The following SAP130 variants were observed in gnomAD, a reference collection of about 807,000 sequenced individuals.
SAP130 encodes the protein Sin3A associated protein 130.
A neutral mutation model predicts 103.2 loss-of-function variants in SAP130; 16 were observed. That is an observed-to-expected ratio of 0.16 (90% CI 0.10 to 0.24). The LOEUF (loss-of-function observed/expected upper bound fraction) is 0.24, where lower values mean the gene tolerates loss of function less well. Among genes scored for constraint, SAP130 ranks in the 10% least tolerant of loss-of-function variants. SAP130 has a pLI of 1.00. For missense variants in SAP130, 990 were observed against 1,359.7 expected (o/e 0.73, Z 4.28); for synonymous variants, 477 against 497.0 (o/e 0.96, Z 0.53).
intron 2 of SAP130, among the ~76,000 whole-genome samples, chr2:128,025,229 G>T (rs1028546562): frequency 3.3e-5 from 5 of 152,188 alleles, no homozygotes; most frequent in South Asian, 2.1e-4. Context: ...TCTCTGTTGT[G>T]GGGGGCTTCC....
chr2:127,997,865 A>G (rs926708159), intron 10 of SAP130, among the ~76,000 whole-genome samples: 3 of 152,164 alleles, frequency 2.0e-5, no homozygotes, highest in Non-Finnish European at 4.4e-5. Flanking sequence ...TATAATCCCA[A>G]CACTTTGGGA....
intron 7 of SAP130, among the ~76,000 whole-genome samples, chr2:128,006,042 A>C (rs955313925): frequency 5.3e-5 from 8 of 152,196 alleles, no homozygotes; most frequent in African/African-American, 1.9e-4. Context: ...TCAACGAAAA[A>C]GAATCAGGCA....
intron 14 of SAP130, among the ~76,000 whole-genome samples, chr2:127,984,924 T>C (rs1157544953): frequency 1.3e-5 from 2 of 152,218 alleles, no homozygotes; most frequent in East Asian, 3.8e-4. Flanking sequence ...TTTTAACTTA[T>C]CCTCCTTAAA....
intron 2 of SAP130, among the ~76,000 whole-genome samples, chr2:128,023,738 C>T (rs534780869): frequency 1.8e-4 from 27 of 152,308 alleles, no homozygotes; most frequent in Non-Finnish European, 1.8e-4. Context: ...GATCATGCTA[C>T]TGCACTCCAG....
chr2:128,023,605 C>T (rs572379067), intron 2 of SAP130, among the ~76,000 whole-genome samples: 1 of 152,050 alleles, frequency 6.6e-6, no homozygotes. Context: ...CAGTGAAACA[C>T]CGTCTCTACT....
chr2:127,985,607 G>GA (rs1188832756), intron 14 of SAP130, among the ~76,000 whole-genome samples: 10 of 152,056 alleles, frequency 6.6e-5, no homozygotes, highest in Non-Finnish European at 5.9e-5. Flanking sequence ...CTACACTTCA[G>GA]AATTTGTTTG....
At chr2:128,004,982 A>G (rs563552351) in intron 7 of SAP130, among the ~76,000 whole-genome samples, 11 of 152,390 alleles carry the variant, frequency 7.2e-5, no homozygotes, top group African/African-American at 2.6e-4. Context: ...ATCTATTTAA[A>G]GATGCTAAAA....
rs144167733 is a variant in SAP130, at chr2:127,948,588, C to A, written c.2797+1281G>T. ...AACTCCTGACCTCCAGTGATCCGCC[C>A]GCCTCGGCCTCACAAAGTGCTGGGA... On this transcript the variant is annotated intron_variant, in intron 18 of 20. Coordinates refer to ENST00000643581, the MANE Select transcript of SAP130 (RefSeq NM_001330301.2). Among the ~76,000 whole-genome samples, 1,044 of 151,872 alleles carry A rather than the reference C, an allele frequency of 6.9e-3. 19 individuals are homozygous for A. Among genetic ancestry groups the A allele is most frequent in the African/African-American group, 0.024 (1,001 of 41,426 alleles).
intron 2 of SAP130, among the ~76,000 whole-genome samples, chr2:128,018,303 A>C: frequency 6.9e-6 from 1 of 144,350 alleles, no homozygotes; most frequent in East Asian, 2.0e-4. Context: ...CCCTATCTCT[A>C]CTAAAAATAC....
At chr2:127,994,535 T>C (rs1173693197) in intron 11 of SAP130, among the ~76,000 whole-genome samples, 1 of 152,200 alleles carries the variant, frequency 6.6e-6, no homozygotes, top group Non-Finnish European at 1.5e-5. Context: ...GGGATTGCAG[T>C]GAGCCGAGAC....
At chr2:127,944,433 A>ATT (rs70985489) in intron 19 of SAP130, among the ~76,000 whole-genome samples, 31 of 150,172 alleles carry the variant, frequency 2.1e-4, no homozygotes, top group Non-Finnish European at 2.2e-4. Context: ...TGTCTCTACA[A>ATT]TTTTTTTTTT....
rs200458631 is a variant in SAP130 at position 128,000,315 on chromosome 2, T to C, written c.1009A>G (p.Met337Val). 1.9e-5 allele frequency: 30 copies of C among 1,614,182 alleles called. No individual in the cohort carries two copies. The East Asian group carries it at 4.2e-4, about 23-fold the overall frequency. The change falls in exon 8 of 21, where the codon ATG becomes GTG. Residue 337 changes from methionine to valine, a missense_variant. By Grantham distance (21) the Met-to-Val change is conservative (BLOSUM62 1). This residue lies in a region of SAP130 where 336 missense variants were observed against 520.1 expected (regional missense o/e 0.65). Coordinates refer to ENST00000643581, the MANE Select transcript of SAP130 (RefSeq NM_001330301.2). ...TCCACTTTTGGTTTTACCTGAGCCATTGTATGAAGCTGCTGTTTTGGCGTC... is the reference window on the plus strand; with the variant it reads ...TCCACTTTTGGTTTTACCTGAGCCACTGTATGAAGCTGCTGTTTTGGCGTC... ...LGTPKQQLHT[M>V]AQKTIFSTGT... is the part of the protein sequence containing the mutation.
At chr2:128,025,678 G>C (rs1232487173) in intron 2 of SAP130, among the ~76,000 whole-genome samples, 3 of 152,154 alleles carry the variant, frequency 2.0e-5, no homozygotes, top group African/African-American at 7.2e-5. Context: ...ATATACTGGA[G>C]GATAGGTATA....
In SAP130 at chr2:127,955,173, T is replaced by C. The variant is rs760589335; in HGVS notation, c.2235A>G (p.Gln745=). ...GAATGGTTGAAAGGGCAACGGCTGG[T>C]TGTGACGGGGGACTGGCTGCTGCAA... is the stretch of plus-strand genomic sequence containing the variant. ...TMIAAASPPS[Q]PAVALSTIPG... is the part of the protein sequence containing the mutation. The change falls in exon 16 of 21, where the codon CAA becomes CAG. Residue 745 remains glutamine, a synonymous_variant. Coordinates refer to ENST00000643581, the MANE Select transcript of SAP130 (RefSeq NM_001330301.2). The surrounding 1 kb of genome is among the most constrained non-coding windows in gnomAD (Gnocchi z 4.9). The C allele has an allele frequency of 1.5e-5, 25 of 1,613,930 alleles. No individual in the cohort carries two copies. Among genetic ancestry groups the C allele is most frequent in the Non-Finnish European group, 1.9e-5 (22 of 1,180,014 alleles).
chr2:128,016,071 T>C (rs895992503), intron 4 of SAP130, among the ~76,000 whole-genome samples: 1 of 151,588 alleles, frequency 6.6e-6, no homozygotes, highest in Non-Finnish European at 1.5e-5. Context: ...TTCTTGACGC[T>C]AAAACCAAAC....
At chr2:127,945,118 G>C (rs535368071) in intron 19 of SAP130, among the ~76,000 whole-genome samples, 43 of 152,194 alleles carry the variant, frequency 2.8e-4, no homozygotes, top group African/African-American at 9.9e-4. Context: ...TTCATCTGAG[G>C]GAGCAGAGTT....
rs1678700210 is a variant in SAP130, at chr2:127,941,437, T to TA, written c.*568_*569insT. On this transcript the variant is annotated 3_prime_UTR_variant, in exon 21 of 21. Transcript: ENST00000643581. The stretch of plus-strand genomic sequence containing the variant: ...ATATAACAATTTCACTTGGGAATGG[T>TA]TTTTTTTAAAAAATGACAAGAACTA... The TA allele has an allele frequency of 6.6e-6, 1 of 152,222 alleles. No homozygotes were observed. Among genetic ancestry groups the TA allele is most frequent in the Admixed American group, 6.6e-5 (1 of 15,244 alleles). 9.4% of individuals were successfully genotyped at this position (152,222 alleles called of 1,614,324 possible).
chr2:128,012,978 C>G, intron 6 of SAP130, 52 bp downstream of exon 6: 2 of 1,538,550 alleles, frequency 1.3e-6, no homozygotes, highest in Non-Finnish European at 1.8e-6. Context: ...TAGTGCCTGG[C>G]AGAATGAATA....
Position 127,955,546 on chromosome 2 carries a change from G to T in SAP130, c.2064-202C>A, listed in dbSNP as rs548454868. 7.9e-5 allele frequency among the ~76,000 whole-genome samples: 12 copies of T among 152,210 alleles called. No homozygotes were observed. In the East Asian group the frequency reaches 1.7e-3, roughly 22 times the overall value. On this transcript the variant is annotated intron_variant, in intron 15 of 20. Coordinates refer to ENST00000643581, the MANE Select transcript of SAP130 (RefSeq NM_001330301.2). This position sits in a 1 kb window ranked among gnomAD's most constrained non-coding sequence, Gnocchi z 4.9. The stretch of plus-strand genomic sequence containing the variant: ...CTGTTACCCATGCTGGAGTGAAGTG[G>T]CGTGATCTTGGCTCACCGCAACCTC...
Sources: allele counts gnomAD v4.1 joint callset (sites outside exome capture counted in the v4.1 genomes callset), GRCh38; gene constraint gnomAD v4.1.1; regional missense constraint gnomAD v4.1.1; non-coding constraint Gnocchi (gnomAD v3.1); transcripts MANE v1.5; gene names NCBI Gene and HGNC (gene_info 2026-07-23, HGNC 2026-07-21).